The following SWAP70 variants were observed in gnomAD, a reference collection of about 807,000 sequenced individuals.
The protein encoded by SWAP70 is switch-associated protein 70.
In SWAP70, 34 loss-of-function variants were observed where a neutral mutation model predicts 80.2. The ratio of observed to expected loss-of-function variants is 0.42; its 90% CI spans 0.32 to 0.56. SWAP70 has a LOEUF of 0.56. SWAP70 is among the 20% of genes least tolerant of loss of function. The pLI is 0.09. For missense variants in SWAP70, 578 were observed against 690.7 expected, an observed-to-expected ratio of 0.84 and a Z score of 1.83; for synonymous variants, 239 against 238.5, an observed-to-expected ratio of 1.00 and a Z score of -0.02.
At chr11:9,710,669 T>TA (rs1462274527) in intron 2 of SWAP70, among the ~76,000 whole-genome samples, 6 of 151,146 alleles carry the variant, frequency 4.0e-5, no homozygotes, top group Non-Finnish European at 8.9e-5. Flanking sequence ...TTTTTTTTTT[T>TA]AATTTTCAAA....
intron 4 of SWAP70, 147 bp downstream of exon 4, chr11:9,725,032 C>G (rs1851190673): frequency 1.6e-6 from 1 of 628,110 alleles, no homozygotes; most frequent in Non-Finnish European, 2.7e-6. Flanking sequence ...GACAGTCTTG[C>G]TCTGTCGCCC....
At chr11:9,720,730 C>G (rs189188735) in intron 3 of SWAP70, among the ~76,000 whole-genome samples, 2 of 152,284 alleles carry the variant, frequency 1.3e-5, no homozygotes, top group Admixed American at 6.5e-5. Context: ...CCTGTTAATG[C>G]TACTGCTTAT....
intron 1 of SWAP70, among the ~76,000 whole-genome samples, chr11:9,690,707 G>A (rs528756833): frequency 2.0e-5 from 3 of 152,130 alleles, no homozygotes; most frequent in Non-Finnish European, 4.4e-5. Context: ...GGCACACATA[G>A]TGAGACCCCA....
Position 9,672,512 on chromosome 11 carries a change from T to C in SWAP70, c.99+8234T>C, listed in dbSNP as rs554139369. On this transcript the variant is annotated intron_variant, in intron 1 of 11. Coordinates refer to ENST00000318950, the MANE Select transcript of SWAP70 (RefSeq NM_015055.4). ...CTGAGTAGCTGGGACTACGGGTGTA[T>C]GCCACCACACCTGGCTAATTTTTTT... 3.8e-3 allele frequency among the ~76,000 whole-genome samples: 563 copies of C among 147,770 alleles called. 5 individuals are homozygous for C. The highest frequency in any genetic ancestry group is 6.4e-3 in the Non-Finnish European group (429 of 67,150).
At chr11:9,688,852 C>T (rs1269448611) in intron 1 of SWAP70, among the ~76,000 whole-genome samples, 2 of 151,990 alleles carry the variant, frequency 1.3e-5, no homozygotes, top group Admixed American at 6.6e-5. Flanking sequence ...TGAGTCCATG[C>T]GGGAATGGGC....
intron 9 of SWAP70, among the ~76,000 whole-genome samples, chr11:9,745,732 A>G (rs956341304): frequency 1.3e-5 from 2 of 152,220 alleles, no homozygotes; most frequent in African/African-American, 2.4e-5. Flanking sequence ...TGGTAGGTGT[A>G]GTTTCTATTC....
intron 2 of SWAP70, among the ~76,000 whole-genome samples, chr11:9,713,169 C>T (rs1403578905): frequency 6.6e-6 from 1 of 152,120 alleles, no homozygotes; most frequent in Non-Finnish European, 1.5e-5. Flanking sequence ...GATTGGTAGT[C>T]TGTTTATTAA....
At chr11:9,692,217 A>AATAT (rs5789612) in intron 1 of SWAP70, among the ~76,000 whole-genome samples, 1 of 145,340 alleles carries the variant, frequency 6.9e-6, no homozygotes, top group African/African-American at 2.5e-5. Flanking sequence ...GGCCACTTAA[A>AATAT]ATATATATAT....
chr11:9,724,547 A>G (rs533788802), intron 3 of SWAP70, 111 bp from the exon 4 acceptor site: 2 of 783,948 alleles, frequency 2.6e-6, no homozygotes, highest in East Asian at 2.7e-5. Flanking sequence ...CATTTTTGGA[A>G]CTGTAAAGAG....
intron 3 of SWAP70, among the ~76,000 whole-genome samples, chr11:9,720,985 T>A (rs1220838333): frequency 1.3e-5 from 2 of 152,044 alleles, no homozygotes; most frequent in Non-Finnish European, 2.9e-5. Context: ...CCAGCTAATT[T>A]TTGTATTTTT....
At chr11:9,734,989 A>T (rs960293657) in intron 7 of SWAP70, among the ~76,000 whole-genome samples, 1 of 152,218 alleles carries the variant, frequency 6.6e-6, no homozygotes, top group Admixed American at 6.5e-5. Context: ...GACAGGCCTC[A>T]TTTTAATTAG....
intron 1 of SWAP70, among the ~76,000 whole-genome samples, chr11:9,685,201 T>C (rs531020543): frequency 4.0e-4 from 60 of 151,486 alleles, no homozygotes; most frequent in African/African-American, 1.4e-3. Flanking sequence ...ACAACCTCCA[T>C]AGGGTGGCTT....
At chr11:9,696,448 TA>T (rs1850758188) in intron 2 of SWAP70, among the ~76,000 whole-genome samples, 1 of 152,170 alleles carries the variant, frequency 6.6e-6, no homozygotes, top group Admixed American at 6.6e-5. Context: ...CCAGTGTTAA[TA>T]ATTTAGAGAA....
At chr11:9,731,983 A>G (rs1564831861) in intron 6 of SWAP70, among the ~76,000 whole-genome samples, 2 of 152,246 alleles carry the variant, frequency 1.3e-5, no homozygotes, top group South Asian at 2.1e-4. Flanking sequence ...TAAAGGATGT[A>G]TTTATTTTAT....
intron 2 of SWAP70, among the ~76,000 whole-genome samples, chr11:9,710,291 T>C (rs1404748009): frequency 6.6e-6 from 1 of 152,168 alleles, no homozygotes; most frequent in Non-Finnish European, 1.5e-5. Flanking sequence ...TAGTAAGTCT[T>C]CAAGGTGATA....
intron 3 of SWAP70, among the ~76,000 whole-genome samples, chr11:9,719,104 A>AAAAAAAAG: frequency 6.6e-6 from 1 of 151,172 alleles, no homozygotes; most frequent in African/African-American, 2.4e-5. Context: ...AAAAAAAAAA[A>AAAAAAAAG]AAAAAAGATA....
chr11:9,752,849 C>A lies in SWAP70; in HGVS notation c.*2879C>A, dbSNP rs890322658. On this transcript the variant is annotated 3_prime_UTR_variant, in exon 12 of 12. Transcript: ENST00000318950. The stretch of plus-strand genomic sequence containing the variant: ...ACATTGTACAATGTAATATGCTCAA[C>A]TTTCTCAATTTTTTGCTAATTTTTC... 1.3e-5 allele frequency: 2 copies of A among 152,122 alleles called. No individual in the cohort carries two copies. Among genetic ancestry groups the A allele is most frequent in the Non-Finnish European group, 2.9e-5 (2 of 68,026 alleles). The allele number at this position is 152,122 out of a possible 1,614,324, so 9.4% of individuals were successfully genotyped here.
At chr11:9,740,743 C>T (rs530231847) in intron 9 of SWAP70, 13 of 212,242 alleles carry the variant, frequency 6.1e-5, no homozygotes, top group East Asian at 2.5e-4. Flanking sequence ...CCAACGTTGC[C>T]GTCAGGTTTT....
intron 3 of SWAP70, among the ~76,000 whole-genome samples, chr11:9,722,184 C>T (rs1316761127): frequency 6.6e-6 from 1 of 152,098 alleles, no homozygotes; most frequent in Non-Finnish European, 1.5e-5. Context: ...CATTTCACCC[C>T]ACAGCATTTC....
Sources: allele counts gnomAD v4.1 joint callset (sites outside exome capture counted in the v4.1 genomes callset), GRCh38; gene constraint gnomAD v4.1.1; transcripts MANE v1.5; gene names NCBI Gene and HGNC (gene_info 2026-07-23, HGNC 2026-07-21).